Variants in POP1 observed in about 807,000 individuals in gnomAD.
POP1 encodes the protein POP1 ribonuclease P/MRP subunit, also known as ribonucleases P/MRP protein subunit POP1.
POP1 carries 75 observed loss-of-function variants against 102.2 expected under a neutral mutation model. The ratio of observed to expected loss-of-function variants is 0.73; its 90% CI spans 0.61 to 0.89. POP1 has a LOEUF of 0.89. POP1 is among the 40% of genes least tolerant of loss of function. The probability of loss-of-function intolerance (pLI) is 0.00; values close to 1 mark genes in which losing one functional copy is unlikely to be tolerated. For synonymous variants in POP1, 436 were observed against 464.1 expected (o/e 0.94, Z 0.78); for missense variants, 1,116 against 1,267.4 (o/e 0.88, Z 1.81).
chr8:98,136,359 A>T (rs1310375117), intron 7 of POP1, 123 bp from the exon 8 acceptor site: 2 of 1,037,636 alleles, frequency 1.9e-6, no homozygotes, highest in Non-Finnish European at 2.7e-6. Context: ...TACAGGTATG[A>T]GCCACCGTGC....
intron 4 of POP1, 99 bp downstream of exon 4, chr8:98,128,639 C>A: frequency 7.2e-7 from 1 of 1,384,902 alleles, no homozygotes; most frequent in Non-Finnish European, 1.0e-6. Flanking sequence ...AAAACCAAGG[C>A]TGGGCATGGT....
At chr8:98,139,723 T>G (rs1816652056) in intron 9 of POP1, among the ~76,000 whole-genome samples, 1 of 148,862 alleles carries the variant, frequency 6.7e-6, no homozygotes, top group Non-Finnish European at 1.5e-5. Context: ...ACAGTGAGAC[T>G]GTGTCAAGAA....
At chr8:98,126,669 G>A (rs1408264677) in intron 2 of POP1, among the ~76,000 whole-genome samples, 1 of 152,226 alleles carries the variant, frequency 6.6e-6, no homozygotes, top group Non-Finnish European at 1.5e-5. Flanking sequence ...GCCAACCACA[G>A]ATTGTCCACA....
chr8:98,117,316 A>C lies in POP1; in HGVS notation c.-77A>C. ...GCATGCGCTCTCCAGCGCGCTCTCC[A>C]GGAGCTTTGGCTCGGTGGGTACTGT... On this transcript the variant is annotated 5_prime_UTR_variant, in exon 1 of 16. Transcript: ENST00000401707. 1 of 582,042 alleles carries C rather than the reference A, an allele frequency of 1.7e-6. No individual in the cohort carries two copies. Among genetic ancestry groups the C allele is most frequent in the Non-Finnish European group, 3.1e-6 (1 of 327,262 alleles). 36.1% of individuals were successfully genotyped at this position (582,042 alleles called of 1,614,324 possible).
Position 98,148,935 on chromosome 8 carries a change from C to T in POP1, c.1831C>T (p.Arg611Ter), listed in dbSNP as rs1433251422. Residue 611 changes from arginine (R) to a stop codon, truncating the protein, a stop_gained, in exon 13 of 16, where the codon CGA becomes TGA. Transcript: ENST00000401707. LOFTEE classifies it high-confidence loss of function. Reference protein sequence around the residue: ...QQPGKVTGEDRLGWGSGWDVL... With the variant: ...QQPGKVTGED ...GCCAGGAAAAGTGACTGGTGAAGAT[C>T]GACTAGGCTGGGGAAGTGGCTGGGA... 1.2e-6 allele frequency: 2 copies of T among 1,613,702 alleles called. No individual in the cohort carries two copies. Among genetic ancestry groups the T allele is most frequent in the Non-Finnish European group, 1.7e-6 (2 of 1,179,860 alleles).
chr8:98,153,533 CTTTTTTTTTTTTTT>C (rs747984872), intron 14 of POP1, among the ~76,000 whole-genome samples: 2 of 85,488 alleles, frequency 2.3e-5, no homozygotes, highest in East Asian at 3.6e-4. Flanking sequence ...AGTTCTGACT[CTTTTTTTTTTTTTT>C]TTTTTTTTTG....
Position 98,159,149 on chromosome 8 carries a change from T to G in POP1, c.*878T>G, listed in dbSNP as rs144169076. 37 of 152,336 alleles carry G rather than the reference T, an allele frequency of 2.4e-4. 1 individual carries two copies. Among genetic ancestry groups the G allele is most frequent in the African/African-American group, 6.7e-4 (28 of 41,572 alleles). 9.4% of individuals were successfully genotyped at this position (152,336 alleles called of 1,614,324 possible). On this transcript the variant is annotated 3_prime_UTR_variant, in exon 16 of 16. Coordinates refer to ENST00000401707, the MANE Select transcript of POP1 (RefSeq NM_001145860.2). ...TTCTGGAAACTTCCATGTGATAATG[T>G]GCATTGCGGATCTCTAGGAAGGAAA...
chr8:98,154,407 A>G (rs1432661152), intron 14 of POP1, among the ~76,000 whole-genome samples: 1 of 152,120 alleles, frequency 6.6e-6, no homozygotes, highest in Admixed American at 6.5e-5. Flanking sequence ...GCTAGTGTAA[A>G]TGGGTGGTTG....
chr8:98,127,845 C>G, intron 3 of POP1, 83 bp downstream of exon 3: 1 of 1,410,856 alleles, frequency 7.1e-7, no homozygotes, highest in Non-Finnish European at 1.0e-6. Flanking sequence ...TCCTTGTGGT[C>G]CTGGCTCTGC....
At chr8:98,136,379 A>G in intron 7 of POP1, 103 bp from the exon 8 acceptor site, 2 of 1,364,748 alleles carry the variant, frequency 1.5e-6, no homozygotes, top group Non-Finnish European at 2.0e-6. Context: ...CCTGGCCAAA[A>G]ATGTTAATTT....
intron 7 of POP1, 69 bp from the exon 8 acceptor site, chr8:98,136,413 C>CA: frequency 6.9e-7 from 1 of 1,452,006 alleles, no homozygotes; most frequent in Non-Finnish European, 9.3e-7. Flanking sequence ...AAAAAAAAAA[C>CA]CCAACTAAAT....
chr8:98,140,698 T>C, intron 10 of POP1, 71 bp from the exon 11 acceptor site: 1 of 1,528,254 alleles, frequency 6.5e-7, no homozygotes, highest in Non-Finnish European at 9.0e-7. Flanking sequence ...ATCTGAAAGA[T>C]TTAAAAATAC....
Position 98,133,990 on chromosome 8 carries a change from G to A in POP1, c.777G>A (p.Glu259=), listed in dbSNP as rs746766891. 6.2e-7 allele frequency: 1 copy of A among 1,613,702 alleles called. No individual in the cohort carries two copies. Among genetic ancestry groups the A allele is most frequent in the Non-Finnish European group, 8.5e-7 (1 of 1,179,636 alleles). Reference sequence around the variant, plus strand: ...GTTGTTTGGAGTTGAAAGGCAAAGAGGAAGAAATACTAAAGGCGCTTTCTG... The same window carrying A: ...GTTGTTTGGAGTTGAAAGGCAAAGAAGAAGAAATACTAAAGGCGCTTTCTG... ...YYCCLELKGK[E]EEILKALSGM... Residue 259 remains glutamate, a synonymous_variant, in exon 6 of 16, where the codon GAG becomes GAA. Coordinates refer to ENST00000401707, the MANE Select transcript of POP1 (RefSeq NM_001145860.2).
intron 14 of POP1, 136 bp from the exon 15 acceptor site, chr8:98,155,914 T>C (rs1422142891): frequency 3.1e-6 from 1 of 323,128 alleles, no homozygotes; most frequent in Non-Finnish European, 5.0e-6. Context: ...AGCTTTTGTG[T>C]GTGTGTGTGT....
intron 10 of POP1, 37 bp from the exon 11 acceptor site, chr8:98,140,732 A>G (rs753966433): frequency 3.7e-6 from 6 of 1,605,116 alleles, no homozygotes; most frequent in South Asian, 1.1e-5. Flanking sequence ...TGTATTATGA[A>G]TGACTTTCTG....
rs1367727818 is a variant in POP1, at chr8:98,123,328, C to G, written c.-2-8C>G. 6.2e-7 allele frequency: 1 copy of G among 1,612,690 alleles called. No individual in the cohort carries two copies. The highest frequency in any genetic ancestry group is 8.5e-7 in the Non-Finnish European group (1 of 1,179,110). The stretch of plus-strand genomic sequence containing the variant: ...TTCCCTGTATTAAATGTATTACTTC[C>G]TTTCCAGAAATGTCAAATGCAAAAG... On this transcript the variant is annotated splice_region_variant and splice_polypyrimidine_tract_variant and intron_variant, in intron 1 of 15. Coordinates refer to ENST00000401707, the MANE Select transcript of POP1 (RefSeq NM_001145860.2).
intron 5 of POP1, among the ~76,000 whole-genome samples, chr8:98,130,921 G>A (rs910019777): frequency 8.5e-5 from 13 of 152,184 alleles, no homozygotes; most frequent in African/African-American, 2.7e-4. Context: ...CCTCCTCTCA[G>A]AAGCTAATTC....
chr8:98,148,664 C>A, intron 12 of POP1, 151 bp from the exon 13 acceptor site: 1 of 746,494 alleles, frequency 1.3e-6, no homozygotes, highest in Non-Finnish European at 2.3e-6. Flanking sequence ...ATACCTTATA[C>A]TTAAAATGGC....
At chr8:98,138,080 C>A (rs530586901) in intron 9 of POP1, among the ~76,000 whole-genome samples, 12 of 152,328 alleles carry the variant, frequency 7.9e-5, no homozygotes, top group African/African-American at 2.9e-4. Context: ...CTTGCCTGAA[C>A]AATTGGGGGA....
Sources: allele counts gnomAD v4.1 joint callset (sites outside exome capture counted in the v4.1 genomes callset), GRCh38; gene constraint gnomAD v4.1.1; transcripts MANE v1.5; gene names NCBI Gene and HGNC (gene_info 2026-07-23, HGNC 2026-07-21).